The following CTNNAL1 variants were observed in gnomAD, a reference collection of about 807,000 sequenced individuals.
CTNNAL1 encodes the protein alpha-catulin.
In CTNNAL1, 69 loss-of-function variants were observed where a neutral mutation model predicts 93.6. The ratio of observed to expected loss-of-function variants is 0.74; its 90% CI spans 0.61 to 0.90. CTNNAL1 has a LOEUF of 0.90. Ranked by LOEUF, CTNNAL1 falls within the 40% of genes least tolerant of loss-of-function variation. The pLI is 0.00. For missense variants in CTNNAL1, 836 were observed against 862.0 expected, an observed-to-expected ratio of 0.97 and a Z score of 0.38; for synonymous variants, 286 against 305.4, an observed-to-expected ratio of 0.94 and a Z score of 0.66.
chr9:108,987,832 C>T (rs1345601309), intron 4 of CTNNAL1, among the ~76,000 whole-genome samples: 30 of 152,148 alleles, frequency 2.0e-4, no homozygotes. Context: ...CTCTGTTTGT[C>T]TGTTATTGGT....
intron 1 of CTNNAL1, among the ~76,000 whole-genome samples, chr9:109,006,178 T>C (rs1313783706): frequency 1.3e-5 from 2 of 152,224 alleles, no homozygotes; most frequent in African/African-American, 4.8e-5. Context: ...TTTGTACATA[T>C]AGATACTTAA....
At chr9:108,996,450 C>T (rs1832023110) in intron 2 of CTNNAL1, among the ~76,000 whole-genome samples, 1 of 152,160 alleles carries the variant, frequency 6.6e-6, no homozygotes, top group Admixed American at 6.5e-5. Flanking sequence ...AGGCATCATT[C>T]TCATACTCTT....
Position 108,979,468 on chromosome 9 carries a change from G to T in CTNNAL1, c.914C>A (p.Ala305Asp). Reference protein sequence around the residue: ...GIKEFKMNIEALRENLYFQSK... With the variant: ...GIKEFKMNIEDLRENLYFQSK... ...CTGAAAATAAAGATTCTCCCGAAGA[G>T]CTTCAATATTCATCTGAGAACAAAA... Residue 305 changes from alanine (A) to aspartate (D), a missense_variant, in exon 7 of 19, where the codon GCT (alanine) becomes GAT (aspartate). Physicochemically the swap from Ala to Asp is moderately radical, Grantham distance 126. Coordinates refer to ENST00000325551, the MANE Select transcript of CTNNAL1 (RefSeq NM_003798.4). 1.2e-6 allele frequency: 2 copies of T among 1,613,976 alleles called. No homozygotes were observed. Among genetic ancestry groups the T allele is most frequent in the Non-Finnish European group, 1.7e-6 (2 of 1,179,936 alleles).
chr9:109,004,257 C>T lies in CTNNAL1; in HGVS notation c.142-5001G>A, dbSNP rs1217283534. 3.3e-5 allele frequency among the ~76,000 whole-genome samples: 5 copies of T among 152,196 alleles called. No homozygotes were observed. In the East Asian group the frequency reaches 5.8e-4, roughly 18 times the overall value. On this transcript the variant is annotated intron_variant, in intron 1 of 18. Transcript: ENST00000325551. ...AGTCAGACATTTCAATTCTAGAGAC[C>T]GTACTCCTAAACATTACCCTATAAT...
chr9:108,974,404 G>A (rs1831201623), intron 8 of CTNNAL1, among the ~76,000 whole-genome samples: 2 of 151,982 alleles, frequency 1.3e-5, no homozygotes, highest in African/African-American at 2.4e-5. Flanking sequence ...AGGGCAGCAG[G>A]CTTTTTATAA....
At chr9:108,982,895 T>G (rs1831478683) in intron 6 of CTNNAL1, among the ~76,000 whole-genome samples, 1 of 152,050 alleles carries the variant, frequency 6.6e-6, no homozygotes, top group South Asian at 2.1e-4. Context: ...CTGGCCAACA[T>G]GGTGAAACCC....
At chr9:108,970,365 G>A in intron 10 of CTNNAL1, 37 bp downstream of exon 10, 1 of 1,572,660 alleles carries the variant, frequency 6.4e-7, no homozygotes, top group Non-Finnish European at 8.6e-7. Context: ...ACTCAGATAG[G>A]ACACAATACA....
intron 2 of CTNNAL1, among the ~76,000 whole-genome samples, chr9:108,994,058 G>A (rs149671940): frequency 0.018 from 2,716 of 151,956 alleles, 30 homozygotes; most frequent in Non-Finnish European, 0.025. Flanking sequence ...GGCGAAACTC[G>A]GTCTCTACTA....
At chr9:108,997,091 A>T (rs1046737087) in intron 2 of CTNNAL1, among the ~76,000 whole-genome samples, 3 of 152,370 alleles carry the variant, frequency 2.0e-5, no homozygotes, top group Middle Eastern at 3.4e-3. Flanking sequence ...TTTCTAAAGT[A>T]GGAAAAATAT....
chr9:108,954,294 C>T (rs780481846), intron 12 of CTNNAL1, among the ~76,000 whole-genome samples: 2 of 152,112 alleles, frequency 1.3e-5, no homozygotes, highest in Non-Finnish European at 2.9e-5. Context: ...AAAGAGAGAA[C>T]TATAATTTTC....
intron 4 of CTNNAL1, among the ~76,000 whole-genome samples, chr9:108,989,243 C>A (rs1831709211): frequency 6.6e-6 from 1 of 152,096 alleles, no homozygotes; most frequent in African/African-American, 2.4e-5. Flanking sequence ...GCTTTAGAAC[C>A]TATGACTCAT....
chr9:108,943,977 T>G lies in CTNNAL1; in HGVS notation c.1926A>C (p.Gln642His), dbSNP rs766320045. The change falls in exon 16 of 19, where the codon CAA becomes CAC. Residue 642 changes from glutamine to histidine, a missense_variant. Gln to His is a conservative substitution (Grantham distance 24, BLOSUM62 0). Coordinates refer to ENST00000325551, the MANE Select transcript of CTNNAL1 (RefSeq NM_003798.4). ...CATGTGTTACCTGTTTTGAAAAAGC[T>G]TGAACACTGGAAGTAAGCTTTAAAC... ...AEGLKLTSSVQAFSKQLKDDD... is the reference protein window; with the variant it reads ...AEGLKLTSSVHAFSKQLKDDD... The G allele has an allele frequency of 6.2e-6, 10 of 1,613,802 alleles. No individual in the cohort carries two copies. Among genetic ancestry groups the G allele is most frequent in the Non-Finnish European group, 7.6e-6 (9 of 1,179,868 alleles).
chr9:108,992,898 G>A, intron 2 of CTNNAL1, 79 bp from the exon 3 acceptor site: 1 of 1,419,564 alleles, frequency 7.0e-7, no homozygotes, highest in Non-Finnish European at 9.4e-7. Context: ...TTGAAGGTAA[G>A]GCACAATGAG....
chr9:108,981,235 G>A (rs1053386299), intron 6 of CTNNAL1, among the ~76,000 whole-genome samples: 23 of 152,158 alleles, frequency 1.5e-4, no homozygotes, highest in African/African-American at 5.6e-4. Context: ...TCCTCCTTCA[G>A]CATTTATAAA....
chr9:109,011,077 T>C (rs1301213464), intron 1 of CTNNAL1, among the ~76,000 whole-genome samples: 2 of 152,262 alleles, frequency 1.3e-5, no homozygotes, highest in African/African-American at 4.8e-5. Flanking sequence ...TGGGTAATAA[T>C]ACAGCATTCT....
intron 14 of CTNNAL1, chr9:108,950,559 C>G (rs775461564): frequency 7.8e-5 from 121 of 1,550,276 alleles, no homozygotes; most frequent in Non-Finnish European, 9.9e-5. Flanking sequence ...AAAATGATGC[C>G]TCTAAGCTTG....
intron 2 of CTNNAL1, among the ~76,000 whole-genome samples, chr9:108,997,318 C>G (rs1354439331): frequency 1.3e-5 from 2 of 152,168 alleles, no homozygotes; most frequent in African/African-American, 4.8e-5. Flanking sequence ...GCTGGTTTTA[C>G]CACAAAAGCT....
At chr9:109,008,426 C>G (rs537055176) in intron 1 of CTNNAL1, among the ~76,000 whole-genome samples, 1 of 152,046 alleles carries the variant, frequency 6.6e-6, no homozygotes, top group Admixed American at 6.5e-5. Flanking sequence ...GGATTACAGG[C>G]GTGAGCCACC....
chr9:108,967,577 G>A (rs1454785521), intron 10 of CTNNAL1, among the ~76,000 whole-genome samples: 1 of 152,162 alleles, frequency 6.6e-6, no homozygotes, highest in Non-Finnish European at 1.5e-5. Context: ...TATTTTAGAA[G>A]GGAATAAAAA....
Sources: gnomAD v4.1 joint callset for allele counts (sites outside exome capture counted in the v4.1 genomes callset) on GRCh38, gnomAD v4.1.1 for gene constraint, MANE v1.5 for transcripts, NCBI Gene and HGNC (gene_info 2026-07-23, HGNC 2026-07-21) for gene names.